The following HDAC9 variants were observed in gnomAD, a reference collection of about 807,000 sequenced individuals.
HDAC9 encodes the protein histone deacetylase 9.
Under a neutral mutation model 139.4 loss-of-function variants are expected in HDAC9, and 41 were observed. The ratio of observed to expected loss-of-function variants is 0.29; its 90% CI spans 0.23 to 0.38. HDAC9 has a LOEUF of 0.38. Ranked by LOEUF, HDAC9 falls within the 10% of genes least tolerant of loss-of-function variation. The pLI is 1.00. For synonymous variants in HDAC9, 517 were observed against 476.2 expected (o/e 1.09, Z -1.12); for missense variants, 1,147 against 1,297.0 (o/e 0.88, Z 1.78).
intron 17 of HDAC9, among the ~76,000 whole-genome samples, chr7:18,813,765 T>A (rs923942596): frequency 2.0e-5 from 3 of 152,202 alleles, no homozygotes; most frequent in African/African-American, 7.2e-5. Context: ...ATGGACTGAC[T>A]TACAACTCTG....
chr7:18,964,047 C>T (rs1168727632), intron 24 of HDAC9, among the ~76,000 whole-genome samples: 1 of 152,178 alleles, frequency 6.6e-6, no homozygotes, highest in Non-Finnish European at 1.5e-5. Flanking sequence ...AACAACTTTC[C>T]CTAACACTGG....
rs1796174053 is a variant in HDAC9 at position 18,835,543 on chromosome 7, A to G, written c.2543A>G (p.Tyr848Cys). The G allele has an allele frequency of 6.2e-7, 1 of 1,613,762 alleles. No individual in the cohort carries two copies. Among genetic ancestry groups the G allele is most frequent in the Non-Finnish European group, 8.5e-7 (1 of 1,179,688 alleles). Residue 848 changes from tyrosine to cysteine, a missense_variant, in exon 20 of 26, where the codon TAT becomes TGT. By Grantham distance (194) the Tyr-to-Cys change is radical. This residue lies in a region of HDAC9 where 407 missense variants were observed against 521.5 expected (regional missense o/e 0.78). Coordinates refer to ENST00000686413, the MANE Select transcript of HDAC9 (RefSeq NM_178425.4). ...ATCCTGTACATTTCACTCCATCGCT[A>G]TGATGAAGGGAACTTTTTCCCTGGC... ...PSILYISLHR[Y>C]DEGNFFPGSG...
chr7:18,364,543 C>G (rs962264331), intron 1 of HDAC9, among the ~76,000 whole-genome samples: 2 of 151,930 alleles, frequency 1.3e-5, no homozygotes, highest in African/African-American at 2.4e-5. Flanking sequence ...ATTTTCTATA[C>G]CTTTGCTACT....
chr7:18,267,146 G>A (rs564602099), intron 2 of HDAC9, among the ~76,000 whole-genome samples: 20 of 152,146 alleles, frequency 1.3e-4, no homozygotes, highest in African/African-American at 4.6e-4. Context: ...TTATGATAGT[G>A]TAGTTTAGAA....
intron 1 of HDAC9, among the ~76,000 whole-genome samples, chr7:18,439,579 T>G (rs1385149707): frequency 2.6e-5 from 4 of 152,176 alleles, no homozygotes; most frequent in Non-Finnish European, 5.9e-5. Flanking sequence ...TGGGAAATTT[T>G]TGGCTCAAAA....
intron 1 of HDAC9, among the ~76,000 whole-genome samples, chr7:18,459,069 C>A (rs565443844): frequency 6.6e-6 from 1 of 152,084 alleles, no homozygotes; most frequent in East Asian, 1.9e-4. Context: ...GGTTGCTGTT[C>A]GGAGTTGGCA....
intron 2 of HDAC9, among the ~76,000 whole-genome samples, chr7:18,274,538 C>T (rs943383251): frequency 6.6e-6 from 1 of 152,146 alleles, no homozygotes; most frequent in African/African-American, 2.4e-5. Flanking sequence ...TTCCAATAGG[C>T]CCTACCTCCC....
At chr7:18,542,446 C>G (rs1813306972) in intron 2 of HDAC9, among the ~76,000 whole-genome samples, 1 of 152,036 alleles carries the variant, frequency 6.6e-6, no homozygotes. Flanking sequence ...ACATAGGATG[C>G]CTAAGTTAAT....
rs1475990807 is a variant in HDAC9 at position 18,856,001 on chromosome 7, T to G, written c.2685-18477T>G. Among the ~76,000 whole-genome samples, 14 of 152,240 alleles carry G rather than the reference T, an allele frequency of 9.2e-5. No homozygotes were observed. In the East Asian group the frequency reaches 2.7e-3, roughly 29 times the overall value. ...GGGATAGATGTCTAATTACAAAGAATTCAGCACAGACCACATTAGCGAGGC... is the reference window on the plus strand; with the variant it reads ...GGGATAGATGTCTAATTACAAAGAAGTCAGCACAGACCACATTAGCGAGGC... On this transcript the variant is annotated intron_variant, in intron 21 of 25. Transcript: ENST00000686413.
intron 22 of HDAC9, among the ~76,000 whole-genome samples, chr7:18,918,818 T>A (rs1418043322): frequency 6.6e-6 from 1 of 152,064 alleles, no homozygotes; most frequent in East Asian, 1.9e-4. Flanking sequence ...TACGGTGGAA[T>A]TAATGAGAGT....
chr7:18,113,243 A>G (rs1276448201), intron 1 of HDAC9, among the ~76,000 whole-genome samples: 1 of 152,234 alleles, frequency 6.6e-6, no homozygotes, highest in Non-Finnish European at 1.5e-5. Flanking sequence ...ATTTATGAAT[A>G]AAGTATAGAT....
chr7:18,259,322 C>G (rs1012255329), intron 2 of HDAC9, among the ~76,000 whole-genome samples: 1 of 151,952 alleles, frequency 6.6e-6, no homozygotes, highest in Non-Finnish European at 1.5e-5. Flanking sequence ...TCCCCTGCCA[C>G]CCCCCAATAA....
chr7:18,765,691 A>G (rs1789774538), intron 15 of HDAC9, among the ~76,000 whole-genome samples: 1 of 152,222 alleles, frequency 6.6e-6, no homozygotes, highest in Non-Finnish European at 1.5e-5. Context: ...ATGTACATAT[A>G]TATTTTAATT....
intron 22 of HDAC9, among the ~76,000 whole-genome samples, chr7:18,912,202 C>T (rs1450540872): frequency 1.3e-5 from 2 of 151,944 alleles, no homozygotes; most frequent in Non-Finnish European, 2.9e-5. Flanking sequence ...AATACTCTTG[C>T]TCAATTCATC....
At chr7:18,732,703 ATGTGTGCG>A (rs1562892198) in intron 13 of HDAC9, among the ~76,000 whole-genome samples, 2 of 124,796 alleles carry the variant, frequency 1.6e-5, no homozygotes, top group Non-Finnish European at 3.3e-5. Flanking sequence ...ACACACGTGT[ATGTGTGCG>A]TATGTGTACA....
chr7:18,927,544 T>C (rs1451287290), intron 22 of HDAC9, among the ~76,000 whole-genome samples: 1 of 152,190 alleles, frequency 6.6e-6, no homozygotes, highest in Non-Finnish European at 1.5e-5. Context: ...GTAATACTTT[T>C]TGGATATAAC....
intron 17 of HDAC9, among the ~76,000 whole-genome samples, chr7:18,825,266 G>A (rs879594627): frequency 1.1e-4 from 16 of 152,146 alleles, no homozygotes; most frequent in Non-Finnish European, 2.2e-4. Flanking sequence ...AAAGAGCAGA[G>A]GAAAAGACAA....
At chr7:18,641,751 T>C (rs1056885411) in intron 8 of HDAC9, among the ~76,000 whole-genome samples, 3 of 152,056 alleles carry the variant, frequency 2.0e-5, no homozygotes, top group African/African-American at 7.2e-5. Flanking sequence ...CTCACTGCAA[T>C]GCTAAGGTGG....
intron 1 of HDAC9, among the ~76,000 whole-genome samples, chr7:18,357,547 A>C (rs1043515515): frequency 1.3e-5 from 2 of 151,766 alleles, no homozygotes; most frequent in Non-Finnish European, 3.0e-5. Flanking sequence ...CAGACAAAAC[A>C]GTATATAAAC....
Sources: allele counts gnomAD v4.1 joint callset (sites outside exome capture counted in the v4.1 genomes callset), GRCh38; gene constraint gnomAD v4.1.1; regional missense constraint gnomAD v4.1.1; transcripts MANE v1.5; gene names NCBI Gene and HGNC (gene_info 2026-07-23, HGNC 2026-07-21).